ZMIZ1: variants seen among roughly 807,000 people sequenced by gnomAD.
The protein encoded by ZMIZ1 is zinc finger MIZ domain-containing protein 1.
Under a neutral mutation model 113.9 loss-of-function variants are expected in ZMIZ1, and 17 were observed. That is an observed-to-expected ratio of 0.15 (90% CI 0.10 to 0.22). ZMIZ1 has a LOEUF of 0.22. ZMIZ1 is among the 10% of genes least tolerant of loss of function. The pLI is 1.00. For synonymous variants in ZMIZ1, 607 were observed against 603.1 expected (o/e 1.01, Z -0.09); for missense variants, 1,059 against 1,477.8 (o/e 0.72, Z 4.65).
rs1212838167 is a variant in ZMIZ1, at chr10:79,094,832, C to G, written c.-336-24083C>G. Among the ~76,000 whole-genome samples, 8 of 152,156 alleles carry G rather than the reference C, an allele frequency of 5.3e-5. No homozygotes were observed. In the East Asian group the frequency reaches 1.5e-3, roughly 29 times the overall value. On this transcript the variant is annotated intron_variant, in intron 1 of 24. Coordinates refer to ENST00000334512, the MANE Select transcript of ZMIZ1 (RefSeq NM_020338.4). ...AGCATGGTGGTGTGCACCTTTAGTC[C>G]CAGCTACTGGGGAGGCTGAGATGAG...
intron 1 of ZMIZ1, among the ~76,000 whole-genome samples, chr10:79,081,876 C>G (rs1842671111): frequency 6.6e-6 from 1 of 152,184 alleles, no homozygotes; most frequent in South Asian, 2.1e-4. Flanking sequence ...GTTTCATTAC[C>G]ATGTGCAATG....
At chr10:79,190,139 G>A (rs1013511729) in intron 4 of ZMIZ1, among the ~76,000 whole-genome samples, 1 of 152,180 alleles carries the variant, frequency 6.6e-6, no homozygotes, top group Non-Finnish European at 1.5e-5. Context: ...CCTAGTAAGA[G>A]CCAAGCCCCT....
intron 3 of ZMIZ1, among the ~76,000 whole-genome samples, chr10:79,147,798 G>A (rs1845553343): frequency 6.6e-6 from 1 of 152,170 alleles, no homozygotes. Flanking sequence ...TTCTAGCCAG[G>A]GAGAGTGTCC....
chr10:79,086,684 A>C (rs1025901996), intron 1 of ZMIZ1, among the ~76,000 whole-genome samples: 16 of 151,914 alleles, frequency 1.1e-4, no homozygotes, highest in Non-Finnish European at 1.9e-4. Context: ...ATTGAAAAAA[A>C]TTTTTTTTGT....
intron 9 of ZMIZ1, among the ~76,000 whole-genome samples, chr10:79,290,476 C>T (rs752900378): frequency 6.6e-6 from 1 of 152,204 alleles, no homozygotes; most frequent in Non-Finnish European, 1.5e-5. Flanking sequence ...GACCGGTTGT[C>T]GCCTGCTCCT....
intron 2 of ZMIZ1, among the ~76,000 whole-genome samples, chr10:79,133,108 GACC>G (rs1166881879): frequency 6.6e-6 from 1 of 152,144 alleles, no homozygotes; most frequent in Non-Finnish European, 1.5e-5. Flanking sequence ...TAGCATCCAA[GACC>G]CTGCTTGCTT....
chr10:79,293,567 G>C lies in ZMIZ1; in HGVS notation c.1144G>C (p.Gly382Arg), dbSNP rs544292338. ...CGGCATCAGCCCCTTTGGCACACAC[G>C]GGCAGCGGATGCCCCAGCAGACCTA... ...PPGISPFGTH[G>R]QRMPQQTYPG... The change falls in exon 12 of 25, where the codon GGG becomes CGG. Residue 382 changes from glycine to arginine, a missense_variant. By Grantham distance (125) the Gly-to-Arg change is moderately radical (BLOSUM62 -2). This residue lies in a region of ZMIZ1 where 239 missense variants were observed against 247.5 expected (regional missense o/e 0.97). Transcript: ENST00000334512. 3 of 1,612,872 alleles carry C rather than the reference G, an allele frequency of 1.9e-6. No individual in the cohort carries two copies. Among genetic ancestry groups the C allele is most frequent in the South Asian group, 1.1e-5 (1 of 91,092 alleles).
intron 5 of ZMIZ1, among the ~76,000 whole-genome samples, chr10:79,202,421 T>C (rs1848139263): frequency 6.6e-6 from 1 of 150,788 alleles, no homozygotes; most frequent in East Asian, 1.9e-4. Context: ...CTGGGCAACA[T>C]AGTGAGACCC....
intron 1 of ZMIZ1, among the ~76,000 whole-genome samples, chr10:79,080,292 G>A (rs985449373): frequency 1.4e-5 from 2 of 147,554 alleles, no homozygotes; most frequent in South Asian, 2.2e-4. Context: ...CAGAAAGCTC[G>A]GGTGTGACTT....
intron 3 of ZMIZ1, among the ~76,000 whole-genome samples, chr10:79,142,997 C>G (rs142847657): frequency 1.3e-5 from 2 of 152,348 alleles, no homozygotes; most frequent in Non-Finnish European, 2.9e-5. Flanking sequence ...GGGGAGCTCT[C>G]TGCCTTTGGT....
At chr10:79,158,568 C>T (rs894006477) in intron 3 of ZMIZ1, among the ~76,000 whole-genome samples, 2 of 152,226 alleles carry the variant, frequency 1.3e-5, no homozygotes, top group Non-Finnish European at 2.9e-5. Context: ...GCTACTTAGC[C>T]GCAGCCCTGG....
chr10:79,273,948 A>G (rs1852104402), intron 7 of ZMIZ1, among the ~76,000 whole-genome samples: 1 of 152,252 alleles, frequency 6.6e-6, no homozygotes, highest in South Asian at 2.1e-4. Context: ...TGTACTGGCC[A>G]AGGCTGTCCT....
intron 7 of ZMIZ1, among the ~76,000 whole-genome samples, chr10:79,272,525 A>G (rs985979774): frequency 2.0e-5 from 3 of 152,158 alleles, no homozygotes; most frequent in African/African-American, 7.2e-5. Context: ...GGAGCTTTGC[A>G]CGTCATCTTA....
At chr10:79,102,218 G>C (rs1222783512) in intron 1 of ZMIZ1, among the ~76,000 whole-genome samples, 1 of 152,254 alleles carries the variant, frequency 6.6e-6, no homozygotes, top group Non-Finnish European at 1.5e-5. Context: ...CGCCCAGTTG[G>C]AGCAGAAGGC....
chr10:79,277,390 G>A, intron 8 of ZMIZ1, 65 bp downstream of exon 8: 1 of 1,496,388 alleles, frequency 6.7e-7, no homozygotes. Flanking sequence ...AGATCTCCTT[G>A]GACATGTCCC....
At position 79,204,502 on chromosome 10, in the gene ZMIZ1, C is replaced by T. The variant is rs376799760; in HGVS notation, c.60+2810C>T. 2.6e-5 allele frequency among the ~76,000 whole-genome samples: 4 copies of T among 152,342 alleles called. No homozygotes were observed. The South Asian group carries it at 6.2e-4, about 24-fold the overall frequency. On this transcript the variant is annotated intron_variant, in intron 5 of 24. Coordinates refer to ENST00000334512, the MANE Select transcript of ZMIZ1 (RefSeq NM_020338.4). Reference sequence around the variant, plus strand: ...TGAGCATCTGTACCCCATCCCTGAGCTTGAACACTTCCTGGGCACCCAGCT... The same window carrying T: ...TGAGCATCTGTACCCCATCCCTGAGTTTGAACACTTCCTGGGCACCCAGCT...
intron 3 of ZMIZ1, among the ~76,000 whole-genome samples, chr10:79,155,234 C>T (rs1342942296): frequency 6.6e-6 from 1 of 152,218 alleles, no homozygotes; most frequent in Non-Finnish European, 1.5e-5. Flanking sequence ...ATCCCTCTTC[C>T]TCAGGTTTGA....
intron 7 of ZMIZ1, among the ~76,000 whole-genome samples, chr10:79,245,557 C>T (rs955273725): frequency 6.6e-5 from 10 of 152,170 alleles, no homozygotes; most frequent in African/African-American, 2.4e-4. Context: ...AGAGCACTTC[C>T]AGATCTCAGT....
chr10:79,244,244 A>T (rs1850059334), intron 7 of ZMIZ1, among the ~76,000 whole-genome samples: 1 of 152,184 alleles, frequency 6.6e-6, no homozygotes, highest in African/African-American at 2.4e-5. Flanking sequence ...GTGGGTGCCG[A>T]ATAGACTTCT....
Sources: gnomAD v4.1 joint callset for allele counts (sites outside exome capture counted in the v4.1 genomes callset) on GRCh38, gnomAD v4.1.1 for gene constraint, gnomAD v4.1.1 regional missense constraint, MANE v1.5 for transcripts, NCBI Gene and HGNC (gene_info 2026-07-23, HGNC 2026-07-21) for gene names.